The following RBFOX2 variants were observed in gnomAD, a reference collection of about 807,000 sequenced individuals.
RBFOX2 encodes the protein RNA binding fox-1 homolog 2.
In RBFOX2, 10 loss-of-function variants were observed where a neutral mutation model predicts 49.1. The ratio of observed to expected loss-of-function variants is 0.20; its 90% CI spans 0.13 to 0.35. RBFOX2 has a LOEUF of 0.35. RBFOX2 is among the 10% of genes least tolerant of loss of function. The probability of loss-of-function intolerance (pLI) is 1.00; values close to 1 mark genes in which losing one functional copy is unlikely to be tolerated. For missense variants in RBFOX2, 323 were observed against 486.9 expected (o/e 0.66, Z 3.17); for synonymous variants, 183 against 187.4 (o/e 0.98, Z 0.19).
At chr22:36,028,216 G>C in intron 1 of RBFOX2, 24 bp downstream of exon 1, 1 of 1,476,790 alleles carries the variant, frequency 6.8e-7, no homozygotes, top group Non-Finnish European at 8.9e-7. Context: ...CGCAATAACT[G>C]GGCGCCCCGT....
intron 1 of RBFOX2, among the ~76,000 whole-genome samples, chr22:35,905,440 C>T (rs1228764628): frequency 6.6e-6 from 1 of 152,132 alleles, no homozygotes; most frequent in Non-Finnish European, 1.5e-5. Context: ...AAAATGCCCA[C>T]TATTTTACTG....
chr22:35,994,385 TTTTATTTATTTATTTA>T (rs560646071), intron 1 of RBFOX2: 3 of 148,030 alleles, frequency 2.0e-5, no homozygotes, highest in African/African-American at 5.0e-5. Context: ...TATTTATTCA[TTTTATTTATTTATTTA>T]TTTATTTATT....
At chr22:35,862,082 T>C (rs1040586742) in intron 1 of RBFOX2, among the ~76,000 whole-genome samples, 10 of 152,092 alleles carry the variant, frequency 6.6e-5, no homozygotes, top group Admixed American at 2.6e-4. Context: ...AACTAATCAA[T>C]AGTGACAGAA....
intron 1 of RBFOX2, chr22:35,897,260 G>A: frequency 6.7e-7 from 1 of 1,490,904 alleles, no homozygotes; most frequent in Non-Finnish European, 9.3e-7. Context: ...TGCTCGGGAG[G>A]CACTAAATGT....
At chr22:35,821,559 G>A (rs939610726) in intron 1 of RBFOX2, among the ~76,000 whole-genome samples, 3 of 122,190 alleles carry the variant, frequency 2.5e-5, no homozygotes, top group African/African-American at 6.0e-5. Context: ...CCGAGATTGC[G>A]CCACTGCACT....
At position 35,794,443 on chromosome 22, in the gene RBFOX2, G is replaced by C. The variant is rs185247091; in HGVS notation, c.253-12697C>G. On this transcript the variant is annotated intron_variant, in intron 2 of 11. Transcript: ENST00000405409. Reference sequence around the variant, plus strand: ...GGAGGCTGAGGCAGGTGGATCACAAGGTCAGGAGATCGGGACCATCCTGGC... The same window carrying C: ...GGAGGCTGAGGCAGGTGGATCACAACGTCAGGAGATCGGGACCATCCTGGC... Among the ~76,000 whole-genome samples the C allele has an allele frequency of 5.6e-3, 849 of 152,206 alleles. 4 individuals carry two copies. The highest frequency in any genetic ancestry group is 0.02 in the African/African-American group (814 of 41,546).
chr22:35,862,380 G>A lies in RBFOX2; in HGVS notation c.-33-52376C>T, dbSNP rs5755968. On this transcript the variant is annotated intron_variant, in intron 1 of 13. Coordinates refer to the RBFOX2 transcript ENST00000359369. ...AAGGGTTAGTTATTTTCTTTGGAGG[G>A]GGGGGGGAATGATAAAAGGAGATGG... Among the ~76,000 whole-genome samples, 9 of 150,128 alleles carry A rather than the reference G, an allele frequency of 6.0e-5. No homozygotes were observed. The East Asian group carries it at 1.8e-3, about 29-fold the overall frequency.
chr22:35,759,856 G>A lies in RBFOX2; in HGVS notation c.887+32C>T. 3.1e-6 allele frequency: 5 copies of A among 1,610,616 alleles called. No homozygotes were observed. The highest frequency in any genetic ancestry group is 4.2e-6 in the Non-Finnish European group (5 of 1,177,792). ...TTTTTTGGTCCAACTGCTTATTTTA[G>A]AAACATACTGATTTTGGAATCTAAC... On this transcript the variant is annotated intron_variant, in intron 9 of 11. Transcript: ENST00000405409. This position sits in a 1 kb window ranked among gnomAD's most constrained non-coding sequence, Gnocchi z 4.6.
At chr22:35,890,052 T>A (rs1464934141) in intron 1 of RBFOX2, among the ~76,000 whole-genome samples, 2 of 152,178 alleles carry the variant, frequency 1.3e-5, no homozygotes, top group Admixed American at 6.5e-5. Context: ...TCAAGTTTTA[T>A]GATAAAGCCA....
rs559474749 is a variant in RBFOX2, at chr22:35,811,793, G to A, written c.28-1789C>T. ...AGCCTGGCCAACACAAAGAGACCCT[G>A]TCTCTAGAAAAACTTTAAAAAATTA... On this transcript the variant is annotated intron_variant, in intron 1 of 11. Coordinates refer to ENST00000405409, the Ensembl canonical transcript of RBFOX2. Among the ~76,000 whole-genome samples the A allele has an allele frequency of 4.6e-3, 688 of 150,944 alleles. 6 individuals carry two copies. Among genetic ancestry groups the A allele is most frequent in the Middle Eastern group, 0.017 (5 of 286 alleles).
chr22:35,942,666 A>T (rs149015442), upstream of RBFOX2, among the ~76,000 whole-genome samples: 96 of 151,600 alleles, frequency 6.3e-4, no homozygotes, highest in African/African-American at 2.3e-3. Flanking sequence ...AGGCAGGAGG[A>T]TCACTCAAGC....
chr22:35,872,676 G>A (rs977557316), intron 1 of RBFOX2, among the ~76,000 whole-genome samples: 10 of 152,130 alleles, frequency 6.6e-5, no homozygotes, highest in Non-Finnish European at 1.2e-4. Flanking sequence ...GACGTCTGTC[G>A]GTGTGCTCTT....
chr22:35,961,475 A>G (rs561585014), intron 1 of RBFOX2: 2 of 1,272,752 alleles, frequency 1.6e-6, no homozygotes, highest in South Asian at 2.6e-5. Flanking sequence ...CTCTGCTTGA[A>G]CTGGACTCCC....
chr22:36,028,566 ACTCCGCGCCC>A (rs931065217), exon 1 of RBFOX2: 55 of 785,542 alleles, frequency 7.0e-5, no homozygotes, highest in South Asian at 1.7e-4. Context: ...GCGCGAGCGG[ACTCCGCGCCC>A]CTCCGCGCCT....
chr22:35,838,611 T>C (rs1325301589), intron 1 of RBFOX2, among the ~76,000 whole-genome samples: 1 of 152,194 alleles, frequency 6.6e-6, no homozygotes, highest in African/African-American at 2.4e-5. Context: ...CTTTCTTCTT[T>C]TGCGCTTCAG....
intron 1 of RBFOX2, among the ~76,000 whole-genome samples, chr22:35,827,280 G>A (rs1955965656): frequency 6.6e-6 from 1 of 152,162 alleles, no homozygotes; most frequent in South Asian, 2.1e-4. Flanking sequence ...TGAAAAAATA[G>A]TACTTTGAAT....
intron 1 of RBFOX2, among the ~76,000 whole-genome samples, chr22:35,849,158 A>G (rs1029024935): frequency 6.6e-6 from 1 of 152,142 alleles, no homozygotes; most frequent in African/African-American, 2.4e-5. Context: ...GGAAAATACA[A>G]CATTTGGAAA....
chr22:35,857,328 G>A (rs1257513889), intron 1 of RBFOX2, among the ~76,000 whole-genome samples: 2 of 152,142 alleles, frequency 1.3e-5, no homozygotes, highest in African/African-American at 4.8e-5. Flanking sequence ...ATTACAAGAG[G>A]TTACAGATGA....
intron 4 of RBFOX2, among the ~76,000 whole-genome samples, chr22:35,775,588 C>T (rs559891224): frequency 6.6e-6 from 1 of 151,998 alleles, no homozygotes; most frequent in South Asian, 2.1e-4. Flanking sequence ...ACCTGTAATC[C>T]CAGCACTGTG....
Sources: gnomAD v4.1 joint callset for allele counts (sites outside exome capture counted in the v4.1 genomes callset) on GRCh38, gnomAD v4.1.1 for gene constraint, Gnocchi (gnomAD v3.1) non-coding constraint, MANE v1.5 for transcripts, NCBI Gene and HGNC (gene_info 2026-07-23, HGNC 2026-07-21) for gene names.